Variants in ATXN7 observed in about 807,000 individuals in gnomAD.
ATXN7 encodes ataxin 7.
ATXN7 carries 12 observed loss-of-function variants against 70.5 expected under a neutral mutation model. The observed-to-expected ratio is 0.17, with a 90% CI of 0.11 to 0.28. The LOEUF (loss-of-function observed/expected upper bound fraction) is 0.28. Ranked by LOEUF, ATXN7 falls within the 10% of genes least tolerant of loss-of-function variation. ATXN7 has a pLI of 1.00. For missense variants in ATXN7, 1,256 were observed against 1,131.7 expected (o/e 1.11, Z -1.58); for synonymous variants, 498 against 448.7 (o/e 1.11, Z -1.39).
At chr3:63,885,564 A>G (rs188885284) in intron 1 of ATXN7, among the ~76,000 whole-genome samples, 10 of 152,316 alleles carry the variant, frequency 6.6e-5, no homozygotes, top group Admixed American at 3.3e-4. Context: ...AATAGAAAAG[A>G]ACTATATGAC....
At chr3:63,883,184 C>A (rs528860304) in intron 1 of ATXN7, among the ~76,000 whole-genome samples, 13 of 152,226 alleles carry the variant, frequency 8.5e-5, no homozygotes, top group Admixed American at 8.5e-4. Flanking sequence ...AAGCACTAGG[C>A]ATGGTGTGCT....
chr3:63,942,124 A>G (rs2074779512), intron 4 of ATXN7, among the ~76,000 whole-genome samples: 1 of 152,184 alleles, frequency 6.6e-6, no homozygotes, highest in African/African-American at 2.4e-5. Flanking sequence ...GCAGATAGGA[A>G]CAGCTTGATT....
intron 5 of ATXN7, chr3:63,968,508 A>G (rs2075262385): frequency 6.6e-6 from 1 of 152,298 alleles, no homozygotes; most frequent in Non-Finnish European, 1.5e-5. Flanking sequence ...TTCCTGTAGA[A>G]TGTGTTTGAA....
chr3:63,913,264 T>C (rs1704131626), intron 4 of ATXN7, 39 bp downstream of exon 4: 15 of 1,586,936 alleles, frequency 9.5e-6, no homozygotes, highest in Middle Eastern at 1.7e-4. Flanking sequence ...TACAAACCCC[T>C]GGGAAGTTTC....
Position 63,874,790 on chromosome 3 carries a change from T to G in ATXN7, c.-111+10632T>G, listed in dbSNP as rs1416199468. Among the ~76,000 whole-genome samples, 6 of 152,340 alleles carry G rather than the reference T, an allele frequency of 3.9e-5. No individual in the cohort carries two copies. The East Asian group carries it at 1.2e-3, about 29-fold the overall frequency. On this transcript the variant is annotated intron_variant, in intron 1 of 12. Coordinates refer to ENST00000674280, the MANE Select transcript of ATXN7 (RefSeq NM_001377405.1). ...TTTGAGTAATGTTCCCTAATTGTAG[T>G]GACGTTGGTGTGTGTCTTAGTCTGT...
intron 2 of ATXN7, chr3:63,911,592 T>C (rs1704014378): frequency 6.6e-6 from 1 of 152,188 alleles, no homozygotes; most frequent in African/African-American, 2.4e-5. Context: ...CTCTAAAATA[T>C]GTACACGGGT....
chr3:63,927,583 C>T (rs905176404), intron 4 of ATXN7, among the ~76,000 whole-genome samples: 1 of 152,142 alleles, frequency 6.6e-6, no homozygotes, highest in African/African-American at 2.4e-5. Flanking sequence ...TAACAATAAG[C>T]CGTGAAGAGA....
intron 5 of ATXN7, among the ~76,000 whole-genome samples, chr3:63,964,104 A>G (rs2075179177): frequency 6.6e-6 from 1 of 150,498 alleles, no homozygotes; most frequent in Non-Finnish European, 1.5e-5. Context: ...ACACACACAC[A>G]CACACGTATG....
At chr3:63,933,416 T>C (rs1444324700) in intron 4 of ATXN7, among the ~76,000 whole-genome samples, 1 of 152,228 alleles carries the variant, frequency 6.6e-6, no homozygotes, top group East Asian at 1.9e-4. Flanking sequence ...GTTATAATAA[T>C]GTTCTTCATC....
intron 4 of ATXN7, among the ~76,000 whole-genome samples, chr3:63,916,777 TC>T: frequency 6.6e-6 from 1 of 152,372 alleles, no homozygotes; most frequent in East Asian, 1.9e-4. Flanking sequence ...TGGTTATTTT[TC>T]AGAGGTCAAC....
chr3:63,983,574 T>C (rs1325887254), intron 8 of ATXN7, among the ~76,000 whole-genome samples: 2 of 152,060 alleles, frequency 1.3e-5, no homozygotes, highest in Non-Finnish European at 2.9e-5. Flanking sequence ...CCTAGGAGTT[T>C]GAGTCCAGCC....
chr3:63,914,990 A>T (rs545345971), intron 4 of ATXN7, among the ~76,000 whole-genome samples: 3 of 152,236 alleles, frequency 2.0e-5, no homozygotes, highest in Admixed American at 1.3e-4. Context: ...ATCTTGGCTC[A>T]GTGCAACCTC....
intron 2 of ATXN7, among the ~76,000 whole-genome samples, chr3:63,898,751 G>T (rs985986608): frequency 6.6e-6 from 1 of 152,148 alleles, no homozygotes; most frequent in African/African-American, 2.4e-5. Flanking sequence ...TGTTAAAATT[G>T]CAGGAAGACT....
chr3:63,968,937 A>G (rs1030914371), intron 5 of ATXN7, among the ~76,000 whole-genome samples: 1 of 152,202 alleles, frequency 6.6e-6, no homozygotes, highest in African/African-American at 2.4e-5. Flanking sequence ...ATATGAAAAG[A>G]TCTTAAACCT....
rs1055462644 is a variant in ATXN7, at chr3:64,001,902, G to A, written c.*2435G>A. On this transcript the variant is annotated 3_prime_UTR_variant, in exon 13 of 13. Transcript: ENST00000674280. ...GCAAAAACCAAATTTGCAGTGGTTG[G>A]GTTGTTTCTAGACAGACTTTGGTAT... is the stretch of plus-strand genomic sequence containing the variant. 6.6e-6 allele frequency: 1 copy of A among 151,746 alleles called. No homozygotes were observed. The highest frequency in any genetic ancestry group is 1.5e-5 in the Non-Finnish European group (1 of 67,958). The allele number at this position is 151,746 out of a possible 1,614,324, so 9.4% of individuals were successfully genotyped here.
chr3:63,917,303 C>T (rs1221213370), intron 4 of ATXN7, among the ~76,000 whole-genome samples: 1 of 152,180 alleles, frequency 6.6e-6, no homozygotes, highest in African/African-American at 2.4e-5. Context: ...AGACAAATTA[C>T]TGCTTTTTCC....
chr3:63,952,029 TAGA>T (rs2074963003), intron 4 of ATXN7, among the ~76,000 whole-genome samples: 1 of 152,220 alleles, frequency 6.6e-6, no homozygotes, highest in Admixed American at 6.5e-5. Context: ...ACAAAAGCAT[TAGA>T]TGGTACAGCT....
intron 5 of ATXN7, among the ~76,000 whole-genome samples, chr3:63,977,319 C>T (rs567763347): frequency 2.6e-5 from 4 of 152,190 alleles, no homozygotes; most frequent in South Asian, 2.1e-4. Context: ...GTATTTAATT[C>T]GATTGAGAAT....
chr3:63,913,244 A>AT lies in ATXN7; in HGVS notation c.394+20dup. 6.2e-7 allele frequency: 1 copy of AT among 1,611,634 alleles called. No individual in the cohort carries two copies. Among genetic ancestry groups the AT allele is most frequent in the Non-Finnish European group, 8.5e-7 (1 of 1,178,090 alleles). ...CGGGAAGGTGAGTCCAGCCCCCCTG[A>AT]TGGAGTTTGTACAAACCCCTGGGAA... is the stretch of plus-strand genomic sequence containing the variant. On this transcript the variant is annotated intron_variant, in intron 4 of 12. Transcript: ENST00000674280.
Sources: gnomAD v4.1 joint callset for allele counts (sites outside exome capture counted in the v4.1 genomes callset) on GRCh38, gnomAD v4.1.1 for gene constraint, MANE v1.5 for transcripts, NCBI Gene and HGNC (gene_info 2026-07-23, HGNC 2026-07-21) for gene names.